PSMD14: variants seen among roughly 807,000 people sequenced by gnomAD.
PSMD14 encodes ubiquitin C-terminal hydrolase PSMD14.
Under a neutral mutation model 41.2 loss-of-function variants are expected in PSMD14, and 7 were observed. The observed-to-expected ratio is 0.17, with a 90% CI of 0.10 to 0.32. PSMD14 has a LOEUF of 0.32. Ranked by LOEUF, PSMD14 falls within the 10% of genes least tolerant of loss-of-function variation. The pLI is 1.00. For synonymous variants in PSMD14, 114 were observed against 122.3 expected, an observed-to-expected ratio of 0.93 and a Z score of 0.45; for missense variants, 139 against 375.6, an observed-to-expected ratio of 0.37 and a Z score of 5.21.
At chr2:161,326,064 G>T (rs1035341740) in intron 3 of PSMD14, among the ~76,000 whole-genome samples, 7 of 152,084 alleles carry the variant, frequency 4.6e-5, no homozygotes, top group Non-Finnish European at 5.9e-5. Context: ...TTAAGATGGA[G>T]TCTTGCTCTG....
At chr2:161,367,353 A>G in intron 3 of PSMD14, 125 bp from the exon 4 acceptor site, 1 of 712,842 alleles carries the variant, frequency 1.4e-6, no homozygotes, top group East Asian at 2.7e-5. Context: ...TAGCCAAATA[A>G]AAGGATACTT....
At chr2:161,399,885 A>G (rs1211134754) in intron 10 of PSMD14, among the ~76,000 whole-genome samples, 1 of 152,192 alleles carries the variant, frequency 6.6e-6, no homozygotes, top group Admixed American at 6.5e-5. Flanking sequence ...TCACAAAAAC[A>G]TACAGAAATA....
intron 3 of PSMD14, among the ~76,000 whole-genome samples, chr2:161,340,618 A>G (rs1169652811): frequency 6.6e-6 from 1 of 152,036 alleles, no homozygotes; most frequent in Non-Finnish European, 1.5e-5. Flanking sequence ...TACACAGGGC[A>G]GGGCCAAAGG....
intron 3 of PSMD14, 145 bp downstream of exon 3, chr2:161,319,018 CT>C (rs1164448421): frequency 9.5e-6 from 5 of 525,288 alleles, no homozygotes; most frequent in Non-Finnish European, 1.7e-5. Flanking sequence ...TGTTTGTTAT[CT>C]TGCAACACTA....
chr2:161,385,703 A>G (rs1683625504), intron 8 of PSMD14, 132 bp downstream of exon 8: 2 of 559,752 alleles, frequency 3.6e-6, no homozygotes, highest in African/African-American at 1.9e-5. Context: ...TTTTAAAAGA[A>G]TTGTGGAAAT....
intron 3 of PSMD14, among the ~76,000 whole-genome samples, chr2:161,361,188 G>A (rs530455677): frequency 1.3e-5 from 2 of 152,110 alleles, no homozygotes; most frequent in African/African-American, 4.8e-5. Flanking sequence ...GGTATAACAT[G>A]ATATAGGAAA....
intron 10 of PSMD14, among the ~76,000 whole-genome samples, chr2:161,396,634 G>T (rs944742284): frequency 9.2e-5 from 14 of 152,162 alleles, no homozygotes; most frequent in Admixed American, 7.9e-4. Context: ...TGAGGTTTGG[G>T]TGGAGCGGGG....
At chr2:161,399,844 C>CT (rs1186883229) in intron 10 of PSMD14, among the ~76,000 whole-genome samples, 1 of 152,132 alleles carries the variant, frequency 6.6e-6, no homozygotes, top group African/African-American at 2.4e-5. Flanking sequence ...CACATGTTCT[C>CT]TTTAAAGGAT....
chr2:161,309,877 C>T (rs974583230), intron 1 of PSMD14, among the ~76,000 whole-genome samples: 1 of 151,804 alleles, frequency 6.6e-6, no homozygotes, highest in African/African-American at 2.4e-5. Context: ...TAATTTAGGC[C>T]GGGTGCGGTG....
rs1006496996 is a variant in PSMD14, at chr2:161,376,275, A to G, written c.462+4953A>G. Among the ~76,000 whole-genome samples, 28 of 151,784 alleles carry G rather than the reference A, an allele frequency of 1.8e-4. No homozygotes were observed. In the Middle Eastern group the frequency reaches 0.01, roughly 56 times the overall value. On this transcript the variant is annotated intron_variant, in intron 7 of 11. Transcript: ENST00000409682. ...CTTGAGCTTCAGATTTTTCATCTAT[A>G]TAACAGGAATCTTAGTACCTATTTC...
intron 7 of PSMD14, among the ~76,000 whole-genome samples, chr2:161,374,872 G>A (rs754076035): frequency 6.6e-6 from 1 of 151,970 alleles, no homozygotes; most frequent in African/African-American, 2.4e-5. Flanking sequence ...TTATTAAAAA[G>A]CATTACTGCT....
chr2:161,401,273 CAGTA>C (rs1574142925), intron 10 of PSMD14, among the ~76,000 whole-genome samples: 1 of 152,174 alleles, frequency 6.6e-6, no homozygotes, highest in African/African-American at 2.4e-5. Flanking sequence ...TTTATATTAT[CAGTA>C]AGGCTTTCAG....
At chr2:161,401,394 G>T (rs1417070691) in intron 10 of PSMD14, among the ~76,000 whole-genome samples, 1 of 152,150 alleles carries the variant, frequency 6.6e-6, no homozygotes, top group South Asian at 2.1e-4. Context: ...TTTGTTCAAG[G>T]GTCAACTGTA....
At chr2:161,392,315 C>T (rs1351954573) in intron 9 of PSMD14, among the ~76,000 whole-genome samples, 1 of 152,152 alleles carries the variant, frequency 6.6e-6, no homozygotes, top group Admixed American at 6.5e-5. Flanking sequence ...AGTGAGACCG[C>T]TGTCAAGTCA....
intron 8 of PSMD14, among the ~76,000 whole-genome samples, chr2:161,389,234 G>A (rs536275871): frequency 6.6e-6 from 1 of 152,230 alleles, no homozygotes; most frequent in South Asian, 2.1e-4. Context: ...CTAGCTTTAT[G>A]ACCACCATGT....
intron 3 of PSMD14, among the ~76,000 whole-genome samples, chr2:161,361,592 A>C (rs984868881): frequency 1.3e-5 from 2 of 152,216 alleles, no homozygotes; most frequent in Non-Finnish European, 2.9e-5. Flanking sequence ...CACACACACA[A>C]AAATGCCAGA....
chr2:161,373,059 A>G (rs1001181456), intron 7 of PSMD14, among the ~76,000 whole-genome samples: 2 of 151,820 alleles, frequency 1.3e-5, no homozygotes, highest in Non-Finnish European at 2.9e-5. Context: ...ATTTTTGGTT[A>G]TCCTTTTGTA....
At chr2:161,374,939 A>T (rs1349198664) in intron 7 of PSMD14, among the ~76,000 whole-genome samples, 1 of 152,056 alleles carries the variant, frequency 6.6e-6, no homozygotes, top group African/African-American at 2.4e-5. Context: ...AGTTATTACC[A>T]GCTAACTAAC....
At chr2:161,311,966 A>G (rs1384995478) in intron 1 of PSMD14, among the ~76,000 whole-genome samples, 1 of 152,030 alleles carries the variant, frequency 6.6e-6, no homozygotes, top group East Asian at 1.9e-4. Context: ...AATCCTATTT[A>G]TATAATTAAA....
Sources: allele counts gnomAD v4.1 joint callset (sites outside exome capture counted in the v4.1 genomes callset), GRCh38; gene constraint gnomAD v4.1.1; transcripts MANE v1.5; gene names NCBI Gene and HGNC (gene_info 2026-07-23, HGNC 2026-07-21).